MYLK3: variants seen among roughly 807,000 people sequenced by gnomAD.
MYLK3 encodes myosin light chain kinase 3, also known as MLC kinase.
A neutral mutation model predicts 76.3 loss-of-function variants in MYLK3; 55 were observed. The ratio of observed to expected loss-of-function variants is 0.72; its 90% CI spans 0.58 to 0.90. The LOEUF (loss-of-function observed/expected upper bound fraction) is 0.90. MYLK3 is among the 40% of genes least tolerant of loss of function. The probability of loss-of-function intolerance (pLI) is 0.00; values close to 1 mark genes in which losing one functional copy is unlikely to be tolerated. For synonymous variants in MYLK3, 416 were observed against 425.4 expected, an observed-to-expected ratio of 0.98 and a Z score of 0.27; for missense variants, 973 against 1,053.6, an observed-to-expected ratio of 0.92 and a Z score of 1.06.
chr16:46,745,366 A>G (rs1373060244), intron 1 of MYLK3, among the ~76,000 whole-genome samples: 1 of 152,256 alleles, frequency 6.6e-6, no homozygotes, highest in Non-Finnish European at 1.5e-5. Context: ...TCATAACGAT[A>G]TGAACATCAA....
chr16:46,760,340 A>G (rs901645265), intron 1 of MYLK3, among the ~76,000 whole-genome samples: 4 of 152,196 alleles, frequency 2.6e-5, no homozygotes, highest in Non-Finnish European at 4.4e-5. Context: ...AGAATCAGAG[A>G]AGGGACTGCA....
intron 12 of MYLK3, among the ~76,000 whole-genome samples, chr16:46,708,126 C>G (rs1470566273): frequency 6.6e-6 from 1 of 152,072 alleles, no homozygotes; most frequent in African/African-American, 2.4e-5. Flanking sequence ...CCACCTCAGC[C>G]TCCCAAGTAG....
chr16:46,731,207 C>T (rs182068391), intron 4 of MYLK3, among the ~76,000 whole-genome samples: 7 of 152,300 alleles, frequency 4.6e-5, no homozygotes, highest in East Asian at 1.9e-4. Flanking sequence ...CATGACAGCC[C>T]GTGATGGAGC....
At chr16:46,743,188 A>G (rs984212958) in intron 1 of MYLK3, among the ~76,000 whole-genome samples, 1 of 152,178 alleles carries the variant, frequency 6.6e-6, no homozygotes, top group African/African-American at 2.4e-5. Flanking sequence ...TCCAGGGATC[A>G]TCGAATTCAC....
chr16:46,740,676 C>T (rs769511338), intron 1 of MYLK3, among the ~76,000 whole-genome samples: 9 of 151,436 alleles, frequency 5.9e-5, no homozygotes, highest in Non-Finnish European at 1.3e-4. Context: ...TTCAGCCTCC[C>T]GAGTAGCTGG....
chr16:46,750,193 A>G (rs1189157748), upstream of MYLK3, among the ~76,000 whole-genome samples: 2 of 152,144 alleles, frequency 1.3e-5, no homozygotes, highest in African/African-American at 4.8e-5. Context: ...CCCTGGGCCA[A>G]CCTTTGGGAA....
At chr16:46,729,742 C>A (rs865982202) in intron 5 of MYLK3, 55 bp from the exon 6 acceptor site, 1 of 1,500,148 alleles carries the variant, frequency 6.7e-7, no homozygotes, top group Non-Finnish European at 9.3e-7. Flanking sequence ...ATCCCACACC[C>A]ATCCCTGGAC....
rs1471093843 is a variant in MYLK3, at chr16:46,742,445, AAAACACACAC to A, written c.478-2308_478-2299del. 1.7e-3 allele frequency among the ~76,000 whole-genome samples: 220 copies of A among 130,258 alleles called. 2 individuals carry two copies. The highest frequency in any genetic ancestry group is 5.4e-3 in the African/African-American group (184 of 33,970). 85.5% of individuals were successfully genotyped at this position (130,258 alleles called of 152,430 possible). ...GTGACAGGCACCTGTAATCCCAGCA[AAAACACACAC>A]ACACACACACACACACACACACACA... On this transcript the variant is annotated intron_variant, in intron 1 of 12. Transcript: ENST00000394809.
chr16:46,737,737 G>A lies in MYLK3; in HGVS notation c.975C>T (p.Thr325=), dbSNP rs1474784795. The change falls in exon 3 of 13, where the codon ACC becomes ACT. Residue 325 remains threonine (T), a synonymous_variant. Transcript: ENST00000394809. ...TTGGAGGTGTTTCTCCACCACTGTG[G>A]GTTGCCCTGGCCTGGGCTGGCAGCC... is the stretch of plus-strand genomic sequence containing the variant. ...PPGLPAQARA[T]HSGGETPPRI... 1.2e-6 allele frequency: 2 copies of A among 1,606,790 alleles called. No homozygotes were observed. The highest frequency in any genetic ancestry group is 3.3e-5 in the Admixed American group (2 of 59,908).
chr16:46,712,713 G>T lies in MYLK3; in HGVS notation c.2049C>A (p.Val683=), dbSNP rs754283868. 4 of 1,598,010 alleles carry T rather than the reference G, an allele frequency of 2.5e-6. No individual in the cohort carries two copies. The highest frequency in any genetic ancestry group is 3.4e-6 in the Non-Finnish European group (4 of 1,171,990). ...FGTPEFLAPE[V]VNYEFVSFPT... ...GGAATGAGACAAACTCATAATTGAC[G>T]ACTTCTGGGGCCAGGAACTCAGGAG... The change falls in exon 10 of 13, where the codon GTC becomes GTA. Residue 683 remains valine, a synonymous_variant. Coordinates refer to ENST00000394809, the MANE Select transcript of MYLK3 (RefSeq NM_182493.3).
At chr16:46,735,054 T>C (rs1966861750) in intron 3 of MYLK3, among the ~76,000 whole-genome samples, 1 of 151,324 alleles carries the variant, frequency 6.6e-6, no homozygotes, top group African/African-American at 2.4e-5. Flanking sequence ...GGCAGGAGGC[T>C]CACTTGAGCC....
intron 8 of MYLK3, among the ~76,000 whole-genome samples, chr16:46,722,524 ATC>A (rs1482444144): frequency 3.3e-5 from 5 of 152,198 alleles, no homozygotes; most frequent in Non-Finnish European, 5.9e-5. Flanking sequence ...GTGTTTAAAA[ATC>A]TCTGTCTTCT....
At chr16:46,750,725 C>T (rs1967112428), upstream of MYLK3, among the ~76,000 whole-genome samples, 1 of 151,966 alleles carries the variant, frequency 6.6e-6, no homozygotes, top group Non-Finnish European at 1.5e-5. Flanking sequence ...TGTGGTGGCT[C>T]ATGCCTGTAA....
In MYLK3 at chr16:46,727,230, A is replaced by G. The variant is rs1966844437; in HGVS notation, c.1914+6T>C. ...GCCCCTACCGCATGCCCAGGGCAGA[A>G]CCCACCTTGAGGTCCAGGTGCAGGA... On this transcript the variant is annotated splice_donor_region_variant and intron_variant, in intron 8 of 12. Coordinates refer to ENST00000394809, the MANE Select transcript of MYLK3 (RefSeq NM_182493.3). 1 of 1,613,344 alleles carries G rather than the reference A, an allele frequency of 6.2e-7. No individual in the cohort carries two copies. Among genetic ancestry groups the G allele is most frequent in the Non-Finnish European group, 8.5e-7 (1 of 1,179,382 alleles).
At chr16:46,741,716 A>C (rs982539871) in intron 1 of MYLK3, among the ~76,000 whole-genome samples, 2 of 151,976 alleles carry the variant, frequency 1.3e-5, no homozygotes, top group African/African-American at 4.8e-5. Flanking sequence ...AGAAGCCCTT[A>C]ATTAGAAGCC....
intron 1 of MYLK3, among the ~76,000 whole-genome samples, chr16:46,755,906 CTTTTTTTTT>C (rs772833701): frequency 9.1e-6 from 1 of 109,772 alleles, no homozygotes; most frequent in Admixed American, 1.1e-4. Flanking sequence ...TTTTTTCTTT[CTTTTTTTTT>C]TTTTTTTTTT....
chr16:46,709,076 G>C (rs564775979), intron 12 of MYLK3, among the ~76,000 whole-genome samples: 1 of 152,314 alleles, frequency 6.6e-6, no homozygotes, highest in South Asian at 2.1e-4. Context: ...TGACATGAGA[G>C]AGATTTTTCC....
intron 9 of MYLK3, among the ~76,000 whole-genome samples, chr16:46,718,253 G>C (rs904191643): frequency 2.6e-5 from 4 of 152,230 alleles, no homozygotes; most frequent in Admixed American, 6.5e-5. Context: ...GTGCAAGCAT[G>C]TGGGAGGCAT....
At chr16:46,752,948 C>T (rs1301958503), upstream of MYLK3, among the ~76,000 whole-genome samples, 6 of 152,176 alleles carry the variant, frequency 3.9e-5, no homozygotes, top group Admixed American at 3.9e-4. Context: ...TCTCATATTT[C>T]TCTCCTTCCC....
Sources: gnomAD v4.1 joint callset for allele counts (sites outside exome capture counted in the v4.1 genomes callset) on GRCh38, gnomAD v4.1.1 for gene constraint, MANE v1.5 for transcripts, NCBI Gene and HGNC (gene_info 2026-07-23, HGNC 2026-07-21) for gene names.